RNF180: variants seen among roughly 807,000 people sequenced by gnomAD.
RNF180 encodes E3 ubiquitin-protein ligase RNF180.
In RNF180, 38 loss-of-function variants were observed where a neutral mutation model predicts 59.2. That is an observed-to-expected ratio of 0.64 (90% confidence interval 0.50 to 0.84). The LOEUF is 0.84. RNF180 is among the 40% of genes least tolerant of loss of function. RNF180 has a pLI of 0.00. For missense variants in RNF180, 705 were observed against 700.9 expected (o/e 1.01, Z -0.07); for synonymous variants, 262 against 240.3 (o/e 1.09, Z -0.84).
chr5:64,204,416 A>G (rs1411119358), intron 2 of RNF180, among the ~76,000 whole-genome samples: 1 of 152,194 alleles, frequency 6.6e-6, no homozygotes, highest in Admixed American at 6.5e-5. Context: ...AGTCTCACCA[A>G]CAATAGTTCA....
chr5:64,276,323 T>G (rs1050281160), intron 5 of RNF180, among the ~76,000 whole-genome samples: 4 of 119,174 alleles, frequency 3.4e-5, no homozygotes, highest in East Asian at 2.1e-4. Context: ...TACATTGGTG[T>G]GTGTGTGTGT....
intron 1 of RNF180, among the ~76,000 whole-genome samples, chr5:64,179,279 C>T (rs1579936028): frequency 6.6e-6 from 1 of 151,912 alleles, no homozygotes; most frequent in South Asian, 2.1e-4. Context: ...GTGTTCTCAC[C>T]ACTTAGTATT....
chr5:64,180,370 G>A (rs538249324), intron 1 of RNF180, among the ~76,000 whole-genome samples: 4 of 152,232 alleles, frequency 2.6e-5, no homozygotes, highest in East Asian at 3.9e-4. Context: ...AAATGAAGAA[G>A]TAAACATGCC....
intron 5 of RNF180, among the ~76,000 whole-genome samples, chr5:64,231,737 T>C (rs1191644326): frequency 1.3e-5 from 2 of 152,210 alleles, no homozygotes; most frequent in Non-Finnish European, 2.9e-5. Flanking sequence ...GAGAATTCTG[T>C]GCCATCTCCT....
intron 5 of RNF180, among the ~76,000 whole-genome samples, chr5:64,275,900 T>C (rs1192381825): frequency 1.3e-5 from 2 of 152,112 alleles, no homozygotes; most frequent in Non-Finnish European, 2.9e-5. Flanking sequence ...GAGACCTTGC[T>C]TTCTCTTTAG....
chr5:64,195,832 C>T (rs1217800197), intron 1 of RNF180, among the ~76,000 whole-genome samples: 4 of 152,148 alleles, frequency 2.6e-5, no homozygotes, highest in African/African-American at 9.7e-5. Flanking sequence ...TGGGAACCAG[C>T]CCTGGACAGG....
At chr5:64,222,889 T>C (rs1741438573) in intron 5 of RNF180, among the ~76,000 whole-genome samples, 1 of 152,240 alleles carries the variant, frequency 6.6e-6, no homozygotes, top group African/African-American at 2.4e-5. Flanking sequence ...GAAGAATACA[T>C]ACTATCAACA....
At chr5:64,343,666 G>T (rs1210614369) in intron 7 of RNF180, among the ~76,000 whole-genome samples, 2 of 151,674 alleles carry the variant, frequency 1.3e-5, no homozygotes, top group Non-Finnish European at 2.9e-5. Flanking sequence ...ACTTGAACAG[G>T]AACACCACAG....
intron 5 of RNF180, among the ~76,000 whole-genome samples, chr5:64,276,692 A>T (rs1741738864): frequency 6.6e-6 from 1 of 152,068 alleles, no homozygotes; most frequent in South Asian, 2.1e-4. Flanking sequence ...TATTAAAAAA[A>T]TTTAAAAATA....
chr5:64,250,488 T>C (rs1217079212), intron 5 of RNF180, among the ~76,000 whole-genome samples: 1 of 152,020 alleles, frequency 6.6e-6, no homozygotes, highest in African/African-American at 2.4e-5. Context: ...ATTGGGGGTT[T>C]TTTTAAAGAG....
At position 64,369,766 on chromosome 5, in the gene RNF180, T is replaced by C; in HGVS notation, c.1731T>C (p.Ile577=). 6.5e-7 allele frequency: 1 copy of C among 1,530,390 alleles called. No individual in the cohort carries two copies. The highest frequency in any genetic ancestry group is 8.8e-7 in the Non-Finnish European group (1 of 1,139,728). The allele number at this position is 1,530,390 out of a possible 1,614,324, so 94.8% of individuals were successfully genotyped here. ...IIYIYSVNWV[I]GFIVFCFLCY... is the part of the protein sequence containing the mutation. ...ATATTTATTCAGTGAACTGGGTCATTGGATTCATTGTTTTCTGCTTTCTTT... is the reference window on the plus strand; with the variant it reads ...ATATTTATTCAGTGAACTGGGTCATCGGATTCATTGTTTTCTGCTTTCTTT... The change falls in exon 8 of 8, where the codon ATT becomes ATC. Residue 577 remains isoleucine (I), a synonymous_variant. Transcript: ENST00000389100.
At position 64,219,547 on chromosome 5, in the gene RNF180, G is replaced by T. The variant is rs1752802935; in HGVS notation, c.1227+2151G>T. 2.0e-5 allele frequency among the ~76,000 whole-genome samples: 3 copies of T among 151,712 alleles called. No homozygotes were observed. In the South Asian group the frequency reaches 6.3e-4, roughly 32 times the overall value. ...TTTTTTTCAATTGACATGGAGTCTT[G>T]CTCTGTCACCAGGCTGGAGTGCAGT... On this transcript the variant is annotated intron_variant, in intron 5 of 7. Transcript: ENST00000389100.
intron 7 of RNF180, among the ~76,000 whole-genome samples, chr5:64,343,826 C>G (rs957178184): frequency 4.6e-5 from 7 of 151,318 alleles, no homozygotes; most frequent in African/African-American, 1.7e-4. Flanking sequence ...TCCAGTAGAC[C>G]TACACTACAA....
At chr5:64,243,469 G>A (rs1742920720) in intron 5 of RNF180, among the ~76,000 whole-genome samples, 1 of 152,200 alleles carries the variant, frequency 6.6e-6, no homozygotes, top group Non-Finnish European at 1.5e-5. Context: ...AAGACGCCTG[G>A]AAGTTTGAAC....
At chr5:64,292,019 A>G (rs1038469673) in intron 5 of RNF180, among the ~76,000 whole-genome samples, 3 of 152,052 alleles carry the variant, frequency 2.0e-5, no homozygotes, top group African/African-American at 7.2e-5. Flanking sequence ...TTTTCTGGTT[A>G]TCAACTCCTG....
At chr5:64,235,026 C>G (rs1008974813) in intron 5 of RNF180, among the ~76,000 whole-genome samples, 1 of 152,120 alleles carries the variant, frequency 6.6e-6, no homozygotes, top group Non-Finnish European at 1.5e-5. Context: ...CTTGTAATCC[C>G]AGTACTTTGG....
chr5:64,224,876 T>C lies in RNF180; in HGVS notation c.1227+7480T>C, dbSNP rs1480292409. Among the ~76,000 whole-genome samples, 5 of 152,240 alleles carry C rather than the reference T, an allele frequency of 3.3e-5. No homozygotes were observed. In the East Asian group the frequency reaches 9.6e-4, roughly 29 times the overall value. On this transcript the variant is annotated intron_variant, in intron 5 of 7. Coordinates refer to ENST00000389100, the MANE Select transcript of RNF180 (RefSeq NM_001113561.2). ...CCCTTTTGAAACAGGCTGTATACAG[T>C]GTTCGGCTAGCTTGCTCTCTTACCC...
At chr5:64,214,609 A>G in intron 4 of RNF180, 92 bp downstream of exon 4, 1 of 1,192,488 alleles carries the variant, frequency 8.4e-7, no homozygotes, top group Non-Finnish European at 1.2e-6. Flanking sequence ...GTATAATAAA[A>G]ACTTGGTTTT....
chr5:64,353,584 G>T (rs1006561619), intron 7 of RNF180, among the ~76,000 whole-genome samples: 13 of 151,684 alleles, frequency 8.6e-5, no homozygotes, highest in Admixed American at 7.2e-4. Context: ...CAGAATTCAT[G>T]AGTATAAATA....
Sources: gnomAD v4.1 joint callset for allele counts (sites outside exome capture counted in the v4.1 genomes callset) on GRCh38, gnomAD v4.1.1 for gene constraint, MANE v1.5 for transcripts, NCBI Gene and HGNC (gene_info 2026-07-23, HGNC 2026-07-21) for gene names.